Variants in PCDHA3 observed in about 807,000 individuals in gnomAD.
The protein encoded by PCDHA3 is protocadherin alpha-3.
A neutral mutation model predicts 62.2 loss-of-function variants in PCDHA3; 41 were observed. That is an observed-to-expected ratio of 0.66 (90% CI 0.51 to 0.86). PCDHA3 has a LOEUF of 0.86. PCDHA3 is among the 40% of genes least tolerant of loss of function. PCDHA3 has a pLI of 0.00. For missense variants in PCDHA3, 1,304 were observed against 1,241.2 expected, an observed-to-expected ratio of 1.05 and a Z score of -0.76; for synonymous variants, 640 against 555.4, an observed-to-expected ratio of 1.15 and a Z score of -2.14.
At chr5:140,829,054 C>T in intron 1 of PCDHA3, 1 of 1,612,720 alleles carries the variant, frequency 6.2e-7, no homozygotes, top group Middle Eastern at 1.7e-4. Flanking sequence ...TCCTCATTGA[C>T]GCCACGGACA....
intron 1 of PCDHA3, among the ~76,000 whole-genome samples, chr5:140,920,594 C>G (rs1347372573): frequency 1.3e-5 from 2 of 152,176 alleles, no homozygotes; most frequent in Admixed American, 1.3e-4. Flanking sequence ...GCCTGTAATC[C>G]CAGCACTTTG....
At chr5:140,892,504 G>A (rs2063551551) in intron 1 of PCDHA3, among the ~76,000 whole-genome samples, 1 of 152,176 alleles carries the variant, frequency 6.6e-6, no homozygotes, top group Non-Finnish European at 1.5e-5. Context: ...TGTTTAAGAA[G>A]TTCCACCATG....
intron 1 of PCDHA3, chr5:140,807,575 C>A: frequency 3.7e-6 from 6 of 1,614,164 alleles, no homozygotes; most frequent in Non-Finnish European, 2.5e-6. Context: ...TAACGATAAC[C>A]CGCCGGTGTT....
chr5:140,842,759 C>A (rs2150343672), intron 1 of PCDHA3: 1 of 1,594,806 alleles, frequency 6.3e-7, no homozygotes, highest in East Asian at 2.2e-5. Flanking sequence ...GGTGTCTGCG[C>A]GAGACGCGGA....
chr5:140,830,645 T>C, intron 1 of PCDHA3: 1 of 469,736 alleles, frequency 2.1e-6, no homozygotes, highest in Non-Finnish European at 3.4e-6. Context: ...CTTTGCTTCT[T>C]TAATATTCAT....
chr5:140,971,857 T>G (rs1312639660), intron 1 of PCDHA3, among the ~76,000 whole-genome samples: 12 of 152,198 alleles, frequency 7.9e-5, no homozygotes, highest in African/African-American at 2.9e-4. Flanking sequence ...TAAATATTTG[T>G]TAACATCTAG....
intron 1 of PCDHA3, among the ~76,000 whole-genome samples, chr5:140,942,587 CAT>C (rs2093330311): frequency 6.7e-6 from 1 of 148,732 alleles, no homozygotes; most frequent in East Asian, 2.0e-4. Flanking sequence ...TAGGATGTCA[CAT>C]ATAATTATAG....
intron 1 of PCDHA3, chr5:140,847,470 C>T (rs2150400882): frequency 3.3e-5 from 5 of 149,674 alleles, no homozygotes; most frequent in African/African-American, 1.2e-4. Context: ...TCGACTTGGA[C>T]GTTGGAATAA....
intron 1 of PCDHA3, chr5:140,835,796 C>T (rs1264312076): frequency 5.6e-6 from 9 of 1,613,014 alleles, no homozygotes; most frequent in Non-Finnish European, 7.6e-6. Context: ...ACCCGCCGGG[C>T]TGCCACATCT....
chr5:140,892,232 T>C (rs2063437812), intron 1 of PCDHA3, among the ~76,000 whole-genome samples: 1 of 152,176 alleles, frequency 6.6e-6, no homozygotes, highest in African/African-American at 2.4e-5. Context: ...GTGTTTTGTC[T>C]CCACATAAAC....
chr5:140,950,605 A>T (rs1199751655), intron 1 of PCDHA3, among the ~76,000 whole-genome samples: 1 of 151,926 alleles, frequency 6.6e-6, no homozygotes, highest in Non-Finnish European at 1.5e-5. Flanking sequence ...TTTGACTATG[A>T]TGTGCTTATT....
rs1184449073 is a variant in PCDHA3, at chr5:140,842,588, T to C, written c.2394+38997T>C. ...CCGCGAGAGAGTGTCGGCCTATGAG[T>C]TGGTGGTAACCGCGCGGGACGGGGG... is the stretch of plus-strand genomic sequence containing the variant. On this transcript the variant is annotated intron_variant, in intron 1 of 3. Coordinates refer to ENST00000522353, the MANE Select transcript of PCDHA3 (RefSeq NM_018906.3). The C allele has an allele frequency of 1.2e-5, 19 of 1,595,896 alleles. 2 individuals carry two copies. Among genetic ancestry groups the C allele is most frequent in the Non-Finnish European group, 1.5e-5 (18 of 1,165,700 alleles).
At chr5:140,958,953 T>A (rs1489065015) in intron 1 of PCDHA3, among the ~76,000 whole-genome samples, 2 of 144,196 alleles carry the variant, frequency 1.4e-5, no homozygotes, top group Non-Finnish European at 3.1e-5. Flanking sequence ...ATTATATTAT[T>A]ATAATTGTTC....
chr5:140,842,018 C>T, intron 1 of PCDHA3: 1 of 1,613,764 alleles, frequency 6.2e-7, no homozygotes, highest in Non-Finnish European at 8.5e-7. Context: ...GGTCACAGTG[C>T]TGGATGTGAA....
At chr5:140,811,302 T>C (rs1303740185) in intron 1 of PCDHA3, 1 of 152,298 alleles carries the variant, frequency 6.6e-6, no homozygotes, top group Non-Finnish European at 1.5e-5. Context: ...AATGACGGTT[T>C]CCAGCTTCAT....
At position 140,857,387 on chromosome 5, in the gene PCDHA3, G is replaced by C. The variant is rs369919324; in HGVS notation, c.2394+53796G>C. 21 of 1,598,586 alleles carry C rather than the reference G, an allele frequency of 1.3e-5. 1 individual carries two copies. The Admixed American group carries it at 3.5e-4, about 27-fold the overall frequency. On this transcript the variant is annotated intron_variant, in intron 1 of 3. Coordinates refer to ENST00000522353, the MANE Select transcript of PCDHA3 (RefSeq NM_018906.3). The stretch of plus-strand genomic sequence containing the variant: ...CAGCGTGTCTGTGGAGGTGGCCGAC[G>C]TGAACGACAACGCGCCTGCGTTCGC...
At chr5:140,870,848 G>A in intron 1 of PCDHA3, 1 of 1,613,876 alleles carries the variant, frequency 6.2e-7, no homozygotes, top group East Asian at 2.2e-5. Context: ...CTAGTACCGC[G>A]GTCGGTGGGT....
intron 1 of PCDHA3, among the ~76,000 whole-genome samples, chr5:140,965,537 A>T (rs528440377): frequency 1.3e-5 from 2 of 152,204 alleles, no homozygotes; most frequent in East Asian, 3.9e-4. Context: ...ATGGAATCCA[A>T]ATTCCAGCCT....
rs1237293055 is a variant in PCDHA3 at position 140,848,212 on chromosome 5, G to T, written c.2394+44621G>T. ...TTCTGTTTCAACAATCATTACTTAA[G>T]AAAAAATTAAGAAAATGAAATAAGT... On this transcript the variant is annotated intron_variant, in intron 1 of 3. Transcript: ENST00000522353. The T allele has an allele frequency of 5.6e-6, 2 of 355,864 alleles. 1 individual carries two copies. Among genetic ancestry groups the T allele is most frequent in the Non-Finnish European group, 1.0e-5 (2 of 196,396 alleles). The allele number at this position is 355,864 out of a possible 1,614,324, so 22.0% of individuals were successfully genotyped here.
Sources: allele counts gnomAD v4.1 joint callset (sites outside exome capture counted in the v4.1 genomes callset), GRCh38; gene constraint gnomAD v4.1.1; transcripts MANE v1.5; gene names NCBI Gene and HGNC (gene_info 2026-07-23, HGNC 2026-07-21).